The following GREB1 variants were observed in gnomAD, a reference collection of about 807,000 sequenced individuals.
The protein encoded by GREB1 is growth regulating estrogen receptor binding 1.
A neutral mutation model predicts 200.7 loss-of-function variants in GREB1; 106 were observed. The ratio of observed to expected loss-of-function variants is 0.53; its 90% CI spans 0.45 to 0.62. GREB1 has a LOEUF of 0.62. Among genes scored for constraint, GREB1 ranks in the 20% least tolerant of loss-of-function variants. The pLI, the probability that GREB1 is intolerant of heterozygous loss-of-function variation, is 0.00. For missense variants in GREB1, 2,243 were observed against 2,556.8 expected, an observed-to-expected ratio of 0.88 and a Z score of 2.65; for synonymous variants, 1,132 against 1,092.4, an observed-to-expected ratio of 1.04 and a Z score of -0.72.
chr2:11,638,640 G>A (rs554749211), intron 31 of GREB1, 31 bp from the exon 32 acceptor site: 25 of 1,605,572 alleles, frequency 1.6e-5, no homozygotes, highest in African/African-American at 1.3e-4. Context: ...CATAGAAAAC[G>A]GTGCCCTCTC....
At chr2:11,488,205 G>C (rs944431093) in intron 1 of GREB1, among the ~76,000 whole-genome samples, 3 of 152,172 alleles carry the variant, frequency 2.0e-5, no homozygotes, top group Admixed American at 6.5e-5. Context: ...GGAAACTCGG[G>C]GGGTGGTGAC....
Position 11,629,689 on chromosome 2 carries a change from C to T in GREB1, c.4450-259C>T, listed in dbSNP as rs1684729572. Among the ~76,000 whole-genome samples the T allele has an allele frequency of 2.6e-5, 4 of 152,198 alleles. 1 individual carries two copies. In the South Asian group the frequency reaches 8.3e-4, roughly 31 times the overall value. On this transcript the variant is annotated intron_variant, in intron 25 of 32. Transcript: ENST00000381486. This position sits in a 1 kb window ranked among gnomAD's most constrained non-coding sequence, Gnocchi z 5.2. ...CGGGGACCAGAAAGCTTGATGCCTG[C>T]TTGGCACAGCAGGGTGAGGCCCCAT...
intron 1 of GREB1, among the ~76,000 whole-genome samples, chr2:11,539,203 C>A (rs1674546841): frequency 6.6e-6 from 1 of 151,760 alleles, no homozygotes; most frequent in South Asian, 2.1e-4. Flanking sequence ...CAGGTGTGCA[C>A]CACCACAGCC....
chr2:11,634,566 A>G (rs1038048209), intron 29 of GREB1, among the ~76,000 whole-genome samples: 10 of 152,230 alleles, frequency 6.6e-5, no homozygotes, highest in African/African-American at 2.4e-4. Context: ...AGTGAGTTAT[A>G]TTGGACTGTG....
rs1313649437 is a variant in GREB1, at chr2:11,638,796, T to A, written c.5673T>A (p.Phe1891Leu). ...SFVGASFLKK[F>L]HFLKGATLCV... is the part of the protein sequence containing the mutation. ...TGGGAGCTAGCTTTTTGAAAAAGTT[T>A]CATTTTCTGAAAGGTAACTTTTGTA... The change falls in exon 32 of 33, where the codon TTT becomes TTA. Residue 1891 changes from phenylalanine to leucine, a missense_variant. This residue lies in a region of GREB1 where 478 missense variants were observed against 616.3 expected (regional missense o/e 0.78). Coordinates refer to ENST00000381486, the MANE Select transcript of GREB1 (RefSeq NM_014668.4). 2 of 1,614,126 alleles carry A rather than the reference T, an allele frequency of 1.2e-6. No individual in the cohort carries two copies.
At chr2:11,558,409 T>C (rs577261456) in intron 2 of GREB1, among the ~76,000 whole-genome samples, 2 of 152,328 alleles carry the variant, frequency 1.3e-5, no homozygotes, top group Admixed American at 1.3e-4. Context: ...TGTGGCACTG[T>C]CCAGGGACAG....
rs1684742713 is a variant in GREB1, at chr2:11,629,827, C to T, written c.4450-121C>T. 2 of 997,030 alleles carry T rather than the reference C, an allele frequency of 2.0e-6. No homozygotes were observed. The highest frequency in any genetic ancestry group is 4.2e-5 in the Admixed American group (2 of 47,644). 61.8% of individuals were successfully genotyped at this position (997,030 alleles called of 1,614,324 possible). ...TGCACTGGAGTCACCCCGTGGGTTT[C>T]TTGTGCTGTAGGGAAGTGGTGACTG... On this transcript the variant is annotated intron_variant, in intron 25 of 32. Transcript: ENST00000381486. The surrounding 1 kb of genome is among the most constrained non-coding windows in gnomAD (Gnocchi z 5.2).
At chr2:11,560,216 T>A (rs1474032296) in intron 2 of GREB1, among the ~76,000 whole-genome samples, 4 of 152,160 alleles carry the variant, frequency 2.6e-5, no homozygotes, top group African/African-American at 9.7e-5. Flanking sequence ...TGCGTCCACA[T>A]AGGCAGTGGC....
intron 1 of GREB1, among the ~76,000 whole-genome samples, chr2:11,528,704 C>G (rs1192166743): frequency 6.6e-6 from 1 of 152,160 alleles, no homozygotes; most frequent in Non-Finnish European, 1.5e-5. Flanking sequence ...TCTGTATTTC[C>G]TGGGCAAACT....
intron 1 of GREB1, among the ~76,000 whole-genome samples, chr2:11,490,526 C>G (rs745911842): frequency 1.3e-5 from 2 of 152,066 alleles, no homozygotes; most frequent in Non-Finnish European, 2.9e-5. Flanking sequence ...TCTTCATAAA[C>G]AAATTTTTGG....
At chr2:11,483,296 G>C (rs1672557883) in intron 1 of GREB1, among the ~76,000 whole-genome samples, 1 of 149,410 alleles carries the variant, frequency 6.7e-6, no homozygotes, top group Non-Finnish European at 1.5e-5. Context: ...GTGTGCGTGC[G>C]TGCATGTGTA....
chr2:11,499,431 G>A (rs566682597), intron 1 of GREB1, among the ~76,000 whole-genome samples: 22 of 152,224 alleles, frequency 1.4e-4, no homozygotes, highest in Non-Finnish European at 2.5e-4. Flanking sequence ...CTGTTATCTG[G>A]CCATGTCCTT....
At chr2:11,636,423 G>T (rs1186848141) in intron 30 of GREB1, among the ~76,000 whole-genome samples, 2 of 152,176 alleles carry the variant, frequency 1.3e-5, no homozygotes, top group Admixed American at 6.5e-5. Context: ...ATGTTTGATT[G>T]TATATTGGTT....
chr2:11,535,428 G>GATACTGAATTA (rs1674248513), intron 1 of GREB1, among the ~76,000 whole-genome samples: 1 of 151,768 alleles, frequency 6.6e-6, no homozygotes, highest in Non-Finnish European at 1.5e-5. Context: ...AGTATCTTTT[G>GATACTGAATTA]AAGGTCATCT....
intron 1 of GREB1, among the ~76,000 whole-genome samples, chr2:11,483,028 G>C (rs973707778): frequency 1.3e-5 from 2 of 151,650 alleles, no homozygotes; most frequent in South Asian, 2.1e-4. Context: ...GGGGCTGCTC[G>C]GGGCGGGCAC....
intron 1 of GREB1, among the ~76,000 whole-genome samples, chr2:11,551,993 G>C (rs9784028): frequency 0.076 from 11,545 of 152,242 alleles, 442 homozygotes; most frequent in Middle Eastern, 0.099. Flanking sequence ...TAATGATTAC[G>C]CACTGACTAT....
chr2:11,532,495 C>A (rs1221398423), upstream of GREB1, among the ~76,000 whole-genome samples: 1 of 152,188 alleles, frequency 6.6e-6, no homozygotes, highest in African/African-American at 2.4e-5. Context: ...TTTAAAGGTT[C>A]ATTACGAACT....
chr2:11,489,449 A>C (rs1047703469), intron 1 of GREB1, among the ~76,000 whole-genome samples: 7 of 151,500 alleles, frequency 4.6e-5, no homozygotes, highest in Non-Finnish European at 1.0e-4. Context: ...AGAGAGCCAG[A>C]CTCCGTCTTG....
chr2:11,623,761 C>T (rs1044008671), intron 23 of GREB1, among the ~76,000 whole-genome samples: 8 of 151,982 alleles, frequency 5.3e-5, no homozygotes, highest in South Asian at 2.1e-4. Context: ...TGTGGTGGCA[C>T]GCGCCTGTAA....
Sources: gnomAD v4.1 joint callset for allele counts (sites outside exome capture counted in the v4.1 genomes callset) on GRCh38, gnomAD v4.1.1 for gene constraint, gnomAD v4.1.1 regional missense constraint, Gnocchi (gnomAD v3.1) non-coding constraint, MANE v1.5 for transcripts, NCBI Gene and HGNC (gene_info 2026-07-23, HGNC 2026-07-21) for gene names.